The following SLC12A6 variants were observed in gnomAD, a reference collection of about 807,000 sequenced individuals.
SLC12A6 encodes solute carrier family 12 member 6, also known as K-Cl cotransporter 3.
SLC12A6 carries 66 observed loss-of-function variants against 135.3 expected under a neutral mutation model. The ratio of observed to expected loss-of-function variants is 0.49; its 90% CI spans 0.40 to 0.60. The LOEUF (loss-of-function observed/expected upper bound fraction) is 0.60. SLC12A6 is among the 20% of genes least tolerant of loss of function. SLC12A6 has a pLI of 0.00. For synonymous variants in SLC12A6, 513 were observed against 508.8 expected, an observed-to-expected ratio of 1.01 and a Z score of -0.11; for missense variants, 1,058 against 1,452.3, an observed-to-expected ratio of 0.73 and a Z score of 4.41.
chr15:34,330,835 GGTAATA>G (rs767706372), intron 2 of SLC12A6, among the ~76,000 whole-genome samples: 16 of 151,986 alleles, frequency 1.1e-4, no homozygotes, highest in Non-Finnish European at 2.2e-4. Flanking sequence ...TTAAGAGAAA[GGTAATA>G]GTCCATCCTG....
chr15:34,289,457 C>T (rs1895361059), intron 2 of SLC12A6, among the ~76,000 whole-genome samples: 1 of 152,102 alleles, frequency 6.6e-6, no homozygotes, highest in South Asian at 2.1e-4. Flanking sequence ...TTTGTTGTGT[C>T]TGTCAGACTT....
intron 2 of SLC12A6, among the ~76,000 whole-genome samples, chr15:34,333,224 TTC>T (rs1209420733): frequency 6.7e-6 from 1 of 150,174 alleles, no homozygotes; most frequent in East Asian, 1.9e-4. Flanking sequence ...CTATTTTTTT[TTC>T]TTTTTCTTTT....
At chr15:34,237,871 A>C (rs79369884) in intron 21 of SLC12A6, among the ~76,000 whole-genome samples, 1 of 152,298 alleles carries the variant, frequency 6.6e-6, no homozygotes, top group Non-Finnish European at 1.5e-5. Flanking sequence ...TACTATTTTA[A>C]ATCTCATTTA....
upstream of SLC12A6, chr15:34,338,053 C>G (rs1256645610): frequency 2.6e-5 from 4 of 152,042 alleles, no homozygotes; most frequent in African/African-American, 7.2e-5. Context: ...CCGCGGTGAC[C>G]GAGTGCAGCG....
At chr15:34,292,884 G>A (rs888230646) in intron 2 of SLC12A6, among the ~76,000 whole-genome samples, 4 of 152,140 alleles carry the variant, frequency 2.6e-5, no homozygotes, top group African/African-American at 9.7e-5. Context: ...GCAGTATTTG[G>A]GCAGGAGTGT....
At position 34,232,234 on chromosome 15, in the gene SLC12A6, C is replaced by A. The variant is rs181990706; in HGVS notation, c.*1647G>T. 3 of 152,184 alleles carry A rather than the reference C, an allele frequency of 2.0e-5. No individual in the cohort carries two copies. The East Asian group carries it at 5.8e-4, about 29-fold the overall frequency. The allele number at this position is 152,184 out of a possible 1,614,324, so 9.4% of individuals were successfully genotyped here. A position where few individuals can be genotyped will look rare whatever the true frequency, so the allele number is the denominator to read the frequency against. On this transcript the variant is annotated 3_prime_UTR_variant, in exon 26 of 26. Coordinates refer to ENST00000354181, the MANE Select transcript of SLC12A6 (RefSeq NM_001365088.1). ...CTTACACAAGTATTTCCTTGGCACACTGAACTTTCTTTTTGAAACATATCA... is the reference window on the plus strand; with the variant it reads ...CTTACACAAGTATTTCCTTGGCACAATGAACTTTCTTTTTGAAACATATCA...
intron 7 of SLC12A6, 134 bp from the exon 8 acceptor site, chr15:34,255,526 A>C: frequency 1.5e-6 from 1 of 688,106 alleles, no homozygotes; most frequent in Non-Finnish European, 2.5e-6. Flanking sequence ...TCAATGTGAT[A>C]AAAAGATGTG....
intron 2 of SLC12A6, among the ~76,000 whole-genome samples, chr15:34,296,960 A>G (rs1217547571): frequency 6.6e-6 from 1 of 152,190 alleles, no homozygotes; most frequent in Non-Finnish European, 1.5e-5. Context: ...ATAAGAATCA[A>G]ATTTTTGAAA....
At chr15:34,247,378 G>A (rs1439745154) in intron 13 of SLC12A6, among the ~76,000 whole-genome samples, 10 of 151,926 alleles carry the variant, frequency 6.6e-5, no homozygotes, top group Admixed American at 1.3e-4. Context: ...TTAGCTGGGC[G>A]TGGTGGCGGG....
At chr15:34,330,592 C>G (rs1371768478) in intron 2 of SLC12A6, among the ~76,000 whole-genome samples, 1 of 151,490 alleles carries the variant, frequency 6.6e-6, no homozygotes, top group Non-Finnish European at 1.5e-5. Flanking sequence ...TGCTTGAGCT[C>G]AGAAAGTTGA....
intron 2 of SLC12A6, among the ~76,000 whole-genome samples, chr15:34,333,193 T>C (rs1173891279): frequency 6.6e-6 from 1 of 152,222 alleles, no homozygotes; most frequent in East Asian, 1.9e-4. Context: ...CTTAATTGTT[T>C]TGGTAAAAGA....
rs1032207141 is a variant in SLC12A6 at position 34,238,699 on chromosome 15, T to A, written c.2632+266A>T. The A allele has an allele frequency of 5.0e-6, 3 of 599,572 alleles. No individual in the cohort carries two copies. In the South Asian group the frequency reaches 5.9e-5, roughly 12 times the overall value. The allele number at this position is 599,572 out of a possible 1,614,324, so 37.1% of individuals were successfully genotyped here. On this transcript the variant is annotated intron_variant, in intron 20 of 25. Coordinates refer to ENST00000354181, the MANE Select transcript of SLC12A6 (RefSeq NM_001365088.1). The stretch of plus-strand genomic sequence containing the variant: ...AATTCTTGCAATTCCTGTGAGAACA[T>A]CAATATGGAAAATCACAAATGAAAA...
chr15:34,336,771 C>T lies in SLC12A6; in HGVS notation c.-72-19G>A, dbSNP rs1387587709. On this transcript the variant is annotated intron_variant, in intron 1 of 25. Coordinates refer to ENST00000354181, the MANE Select transcript of SLC12A6 (RefSeq NM_001365088.1). The stretch of plus-strand genomic sequence containing the variant: ...CTTTTGACTGCAATACAAAAGATAA[C>T]TTGAAAAATAACACATTTCAATAAC... 2.0e-6 allele frequency: 2 copies of T among 1,023,354 alleles called. No homozygotes were observed. Among genetic ancestry groups the T allele is most frequent in the Non-Finnish European group, 3.1e-6 (2 of 651,256 alleles). The allele number at this position is 1,023,354 out of a possible 1,614,324, so 63.4% of individuals were successfully genotyped here.
intron 2 of SLC12A6, among the ~76,000 whole-genome samples, chr15:34,305,918 C>T (rs1896576628): frequency 6.6e-6 from 1 of 152,014 alleles, no homozygotes; most frequent in Admixed American, 6.6e-5. Flanking sequence ...CCACCGCGCC[C>T]GGCTAATTTT....
intron 2 of SLC12A6, among the ~76,000 whole-genome samples, chr15:34,315,712 G>GC (rs1888594814): frequency 6.6e-6 from 1 of 152,050 alleles, no homozygotes; most frequent in African/African-American, 2.4e-5. Flanking sequence ...ACGGCCAGGC[G>GC]CAGTGGCTTA....
intron 2 of SLC12A6, among the ~76,000 whole-genome samples, chr15:34,301,376 G>C (rs1161938058): frequency 1.3e-5 from 2 of 152,134 alleles, no homozygotes; most frequent in Non-Finnish European, 2.9e-5. Flanking sequence ...CAAAACATAA[G>C]AGCTGAAGAC....
Position 34,336,742 on chromosome 15 carries a change from G to C in SLC12A6, c.-62C>G. The stretch of plus-strand genomic sequence containing the variant: ...CTCGCAAAATCTTCCTCTTACGCTA[G>C]CTACTTTTGACTGCAATACAAAAGA... On this transcript the variant is annotated 5_prime_UTR_variant, in exon 2 of 26. Coordinates refer to ENST00000354181, the MANE Select transcript of SLC12A6 (RefSeq NM_001365088.1). The C allele has an allele frequency of 7.3e-7, 1 of 1,375,158 alleles. No individual in the cohort carries two copies. Among genetic ancestry groups the C allele is most frequent in the Non-Finnish European group, 1.0e-6 (1 of 962,834 alleles). 85.2% of individuals were successfully genotyped at this position (1,375,158 alleles called of 1,614,324 possible).
intron 2 of SLC12A6, among the ~76,000 whole-genome samples, chr15:34,284,272 CTTTT>C (rs1894883970): frequency 8.4e-6 from 1 of 118,976 alleles, no homozygotes; most frequent in Admixed American, 8.2e-5. Context: ...TTCTTTGTTT[CTTTT>C]CTTTTTTTTT....
intron 2 of SLC12A6, among the ~76,000 whole-genome samples, chr15:34,285,182 T>TA (rs1894962787): frequency 6.6e-6 from 1 of 152,210 alleles, no homozygotes; most frequent in Non-Finnish European, 1.5e-5. Context: ...AATGAGCAGA[T>TA]AGCAGGGACC....
Sources: allele counts gnomAD v4.1 joint callset (sites outside exome capture counted in the v4.1 genomes callset), GRCh38; gene constraint gnomAD v4.1.1; transcripts MANE v1.5; gene names NCBI Gene and HGNC (gene_info 2026-07-23, HGNC 2026-07-21).